The following E4F1 variants were observed in gnomAD, a reference collection of about 807,000 sequenced individuals.
E4F1 encodes E4F transcription factor 1, also known as transcription factor E4F1.
E4F1 carries 30 observed loss-of-function variants against 72.9 expected under a neutral mutation model. The ratio of observed to expected loss-of-function variants is 0.41; its 90% CI spans 0.31 to 0.56. The LOEUF is 0.56. E4F1 is among the 20% of genes least tolerant of loss of function. The probability of loss-of-function intolerance (pLI) is 0.25; values close to 1 mark genes in which losing one functional copy is unlikely to be tolerated. For missense variants in E4F1, 1,091 were observed against 1,117.5 expected, an observed-to-expected ratio of 0.98 and a Z score of 0.34; for synonymous variants, 542 against 478.2, an observed-to-expected ratio of 1.13 and a Z score of -1.74.
At chr16:2,225,711 A>G (rs576645711) in intron 1 of E4F1, among the ~76,000 whole-genome samples, 2 of 146,882 alleles carry the variant, frequency 1.4e-5, no homozygotes, top group South Asian at 4.3e-4. Context: ...ACCTCAGGTG[A>G]TCTGCCCGCC....
chr16:2,232,594 C>T lies in E4F1; in HGVS notation c.730+18C>T, dbSNP rs779974964. On this transcript the variant is annotated intron_variant, in intron 5 of 13. Coordinates refer to ENST00000301727, the MANE Select transcript of E4F1 (RefSeq NM_004424.5). ...GCACACGGGTGAGCTGGCCGCACCT[C>T]GGGCTGGAGCCCGGTAGCACCCCGA... 1.2e-5 allele frequency: 19 copies of T among 1,610,756 alleles called. No individual in the cohort carries two copies. In the East Asian group the frequency reaches 1.3e-4, roughly 11 times the overall value.
intron 1 of E4F1, among the ~76,000 whole-genome samples, chr16:2,227,016 A>G (rs1283321618): frequency 6.6e-6 from 1 of 151,924 alleles, no homozygotes; most frequent in African/African-American, 2.4e-5. Flanking sequence ...GCACGCTCAA[A>G]CTCCCGCAGT....
intron 3 of E4F1, chr16:2,230,380 G>C (rs1212622430): frequency 3.3e-5 from 5 of 153,742 alleles, no homozygotes; most frequent in African/African-American, 1.2e-4. Flanking sequence ...GCCTGGGCAG[G>C]TTGAGGGAGC....
intron 3 of E4F1, chr16:2,231,725 C>T: frequency 5.9e-6 from 1 of 169,700 alleles, no homozygotes; most frequent in South Asian, 1.3e-4. Flanking sequence ...GCTGCAGTGG[C>T]CCAGCCCATC....
intron 1 of E4F1, among the ~76,000 whole-genome samples, chr16:2,224,145 C>T (rs1258795740): frequency 6.6e-6 from 1 of 152,244 alleles, no homozygotes; most frequent in Non-Finnish European, 1.5e-5. Context: ...GCGTCTAGGG[C>T]CCTGTTGGTG....
chr16:2,231,851 C>T (rs919300530), intron 3 of E4F1: 7 of 336,200 alleles, frequency 2.1e-5, no homozygotes, highest in Non-Finnish European at 3.3e-5. Flanking sequence ...AGGACCTTGT[C>T]ACCAGGATTC....
At chr16:2,231,926 T>G in intron 3 of E4F1, 6 of 534,918 alleles carry the variant, frequency 1.1e-5, no homozygotes, top group South Asian at 2.2e-5. Flanking sequence ...TGTGGACACA[T>G]TTAGGGGCCC....
intron 1 of E4F1, among the ~76,000 whole-genome samples, chr16:2,226,684 G>A (rs549813797): frequency 2.0e-5 from 3 of 152,344 alleles, no homozygotes; most frequent in South Asian, 2.1e-4. Flanking sequence ...ACACTCAGCC[G>A]TTTGGTGACC....
In E4F1 at chr16:2,234,363, A is replaced by C. The variant is rs1377646161; in HGVS notation, c.1568A>C (p.Lys523Thr). The stretch of plus-strand genomic sequence containing the variant: ...GACGAGCGGCCCTACCCTTGTCCCA[A>C]GTGTGGCAAGCGCTACAAGACTAAG... The part of the protein sequence containing the change: ...HSDERPYPCP[K>T]CGKRYKTKNA... Residue 523 changes from lysine (K) to threonine (T), a missense_variant, in exon 10 of 14, where the codon AAG becomes ACG. Lys to Thr is a moderately conservative substitution (Grantham distance 78). Transcript: ENST00000301727. 1 of 1,612,912 alleles carries C rather than the reference A, an allele frequency of 6.2e-7. No individual in the cohort carries two copies. The highest frequency in any genetic ancestry group is 8.5e-7 in the Non-Finnish European group (1 of 1,179,966).
chr16:2,223,968 C>T (rs2093414962), intron 1 of E4F1, 198 bp downstream of exon 1: 2 of 1,513,232 alleles, frequency 1.3e-6, no homozygotes, highest in South Asian at 1.2e-5. Flanking sequence ...TGCGGGGCGC[C>T]TGTCATCCCC....
chr16:2,226,188 T>A (rs1372782459), intron 1 of E4F1, among the ~76,000 whole-genome samples: 1 of 152,196 alleles, frequency 6.6e-6, no homozygotes, highest in East Asian at 1.9e-4. Context: ...CCCATAGGAT[T>A]CATAGTCTCT....
chr16:2,232,968 T>G, intron 6 of E4F1, 43 bp from the exon 7 acceptor site: 2 of 1,611,266 alleles, frequency 1.2e-6, no homozygotes, highest in South Asian at 2.2e-5. Context: ...CAGCCGCCAC[T>G]GGGGTGTGTG....
At chr16:2,228,717 C>T (rs1186365885) in intron 2 of E4F1, among the ~76,000 whole-genome samples, 194 bp downstream of exon 2, 10 of 152,184 alleles carry the variant, frequency 6.6e-5, no homozygotes, top group Admixed American at 2.6e-4. Context: ...GGAGGGCCTG[C>T]GGTGGCCCAG....
rs1237434251 is a variant in E4F1 at position 2,234,672 on chromosome 16, A to G, written c.1683A>G (p.Ser561=). The G allele has an allele frequency of 6.3e-7, 1 of 1,586,446 alleles. No individual in the cohort carries two copies. The highest frequency in any genetic ancestry group is 1.3e-5 in the African/African-American group (1 of 74,548). Residue 561 remains serine, a synonymous_variant, in exon 11 of 14, where the codon TCA becomes TCG. Coordinates refer to ENST00000301727, the MANE Select transcript of E4F1 (RefSeq NM_004424.5). ...GCCGTGGCTTCCGAGAGAAGGGCTC[A>G]CTGGTGCGGCACGTGCGACACCACA... ...FCSRGFREKG[S]LVRHVRHHTG... is the part of the protein sequence containing the mutation.
chr16:2,234,958 A>C lies in E4F1; in HGVS notation c.1892A>C (p.Glu631Ala). 3 of 1,593,406 alleles carry C rather than the reference A, an allele frequency of 1.9e-6. No homozygotes were observed. The highest frequency in any genetic ancestry group is 8.5e-7 in the Non-Finnish European group (1 of 1,170,076). The change falls in exon 12 of 14, where the codon GAG (glutamate) becomes GCG (alanine). Residue 631 changes from glutamate to alanine, a missense_variant. Physicochemically the swap from Glu to Ala is moderately radical, Grantham distance 107 (BLOSUM62 -1). Transcript: ENST00000301727. ...LTEDPHTVLV[E>A]FSSVVADTQE... is the part of the protein sequence containing the mutation. ...GAAGACCCGCACACAGTGTTGGTGG[A>C]GTTCTCGTCCGTGGTAGCTGACACC...
rs772058564 is a variant in E4F1, at chr16:2,232,511, G to A, written c.665G>A (p.Cys222Tyr). 6.2e-7 allele frequency: 1 copy of A among 1,611,862 alleles called. No homozygotes were observed. The highest frequency in any genetic ancestry group is 1.1e-5 in the South Asian group (1 of 90,896). Residue 222 changes from cysteine (C) to tyrosine (Y), a missense_variant, in exon 5 of 14, where the codon TGC becomes TAC. Around this residue, in one of 5 missense-constraint regions of E4F1, gnomAD observed 362 missense variants for 358.6 expected, o/e 1.01. Transcript: ENST00000301727. ...VTHSSRKDHE[C>Y]KLCGASFRTK... ...CACAGCAGCCGCAAGGACCACGAGT[G>A]CAAGCTCTGTGGGGCCTCCTTCCGC...
Position 2,223,604 on chromosome 16 carries a change from G to T in E4F1, c.-10G>T, listed in dbSNP as rs1354806447. ...CGTAAATCCGCCATCTTCCTGCGGC[G>T]CGTTGCGACATGGAGGGCGCGATGG... On this transcript the variant is annotated 5_prime_UTR_variant, in exon 1 of 14. Coordinates refer to ENST00000301727, the MANE Select transcript of E4F1 (RefSeq NM_004424.5). The T allele has an allele frequency of 6.3e-7, 1 of 1,584,676 alleles. No homozygotes were observed. Among genetic ancestry groups the T allele is most frequent in the Non-Finnish European group, 8.5e-7 (1 of 1,171,746 alleles).
intron 10 of E4F1, 73 bp downstream of exon 10, chr16:2,234,461 C>G (rs1346322651): frequency 1.1e-5 from 18 of 1,582,312 alleles, no homozygotes; most frequent in Admixed American, 1.7e-5. Flanking sequence ...CAGGTGCACC[C>G]CCTTCCCTGC....
intron 1 of E4F1, among the ~76,000 whole-genome samples, chr16:2,225,491 G>C (rs78729709): frequency 8.7e-6 from 1 of 115,262 alleles, no homozygotes; most frequent in South Asian, 2.8e-4. Context: ...TTTTTTTTTT[G>C]AGACGGCGTT....
Sources: allele counts gnomAD v4.1 joint callset (sites outside exome capture counted in the v4.1 genomes callset), GRCh38; gene constraint gnomAD v4.1.1; regional missense constraint gnomAD v4.1.1; transcripts MANE v1.5; gene names NCBI Gene and HGNC (gene_info 2026-07-23, HGNC 2026-07-21).